The following TM7SF3 variants were observed in gnomAD, a reference collection of about 807,000 sequenced individuals.
TM7SF3 encodes the protein transmembrane 7 superfamily member 3.
Under a neutral mutation model 65.5 loss-of-function variants are expected in TM7SF3, and 60 were observed. The ratio of observed to expected loss-of-function variants is 0.92; its 90% CI spans 0.74 to 1.14. TM7SF3 has a LOEUF of 1.14. Among genes scored for constraint, TM7SF3 ranks in the 50% most tolerant of loss-of-function variants. The pLI is 0.00. For synonymous variants in TM7SF3, 264 were observed against 259.6 expected (o/e 1.02, Z -0.16); for missense variants, 623 against 684.8 (o/e 0.91, Z 1.01).
chr12:27,001,717 T>A (rs1940837730), intron 2 of TM7SF3, among the ~76,000 whole-genome samples: 1 of 152,220 alleles, frequency 6.6e-6, no homozygotes, highest in Non-Finnish European at 1.5e-5. Flanking sequence ...ATAGATCTAG[T>A]TAAAAAAGAG....
intron 2 of TM7SF3, among the ~76,000 whole-genome samples, chr12:27,002,154 G>C (rs2136439635): frequency 6.6e-6 from 1 of 152,200 alleles, no homozygotes. Flanking sequence ...AAGATAGTGT[G>C]ACCAATGCCT....
At chr12:26,980,750 C>A in intron 7 of TM7SF3, 104 bp from the exon 8 acceptor site, 1 of 585,012 alleles carries the variant, frequency 1.7e-6, no homozygotes, top group South Asian at 2.3e-5. Context: ...CAAATACATG[C>A]TTAAGCTCCT....
At chr12:26,989,262 C>A (rs1940237634) in intron 6 of TM7SF3, among the ~76,000 whole-genome samples, 3 of 152,032 alleles carry the variant, frequency 2.0e-5, no homozygotes. Context: ...ATGGTGAAAC[C>A]CCGACTCTAC....
rs1939468487 is a variant in TM7SF3 at position 26,974,095 on chromosome 12, A to T, written c.1583T>A (p.Val528Glu). Reference protein sequence around the residue: ...KLWKQERERRVTNILDPSYHI... With the variant: ...KLWKQERERRETNILDPSYHI... ...GTAGCTAGGGTCCAGAATGTTTGTCACTCGGCGCTCTCTCTCTTGCTTCCA... is the reference window on the plus strand; with the variant it reads ...GTAGCTAGGGTCCAGAATGTTTGTCTCTCGGCGCTCTCTCTCTTGCTTCCA... The change falls in exon 12 of 12, where the codon GTG (valine) becomes GAG (glutamate). Residue 528 changes from valine to glutamate, a missense_variant. By Grantham distance (121) the Val-to-Glu change is moderately radical (BLOSUM62 -2). Coordinates refer to ENST00000343028, the MANE Select transcript of TM7SF3 (RefSeq NM_016551.3). 6.2e-7 allele frequency: 1 copy of T among 1,613,994 alleles called. No individual in the cohort carries two copies. The highest frequency in any genetic ancestry group is 8.5e-7 in the Non-Finnish European group (1 of 1,180,022).
chr12:26,990,628 C>G lies in TM7SF3; in HGVS notation c.691-1G>C, dbSNP rs150935674. The stretch of plus-strand genomic sequence containing the variant: ...TATCATTAGCTGTTAGGGTAACCAC[C>G]TGAAGCCAAAAATAACACATGATTA... On this transcript the variant is annotated splice_acceptor_variant, in intron 5 of 11. Transcript: ENST00000343028. LOFTEE classifies it high-confidence loss of function. 1.2e-5 allele frequency: 19 copies of G among 1,611,538 alleles called. No homozygotes were observed. The highest frequency in any genetic ancestry group is 1.6e-5 in the Non-Finnish European group (19 of 1,178,624).
At chr12:27,006,778 G>A (rs1185650644) in intron 1 of TM7SF3, among the ~76,000 whole-genome samples, 1 of 152,190 alleles carries the variant, frequency 6.6e-6, no homozygotes, top group Non-Finnish European at 1.5e-5. Flanking sequence ...TAGCAACACA[G>A]ATAATGCTAG....
intron 2 of TM7SF3, among the ~76,000 whole-genome samples, chr12:27,000,736 G>A (rs1207044745): frequency 6.6e-6 from 1 of 152,168 alleles, no homozygotes; most frequent in East Asian, 1.9e-4. Flanking sequence ...TGGGATTACA[G>A]GCGTGAGCCA....
chr12:26,981,623 C>G (rs987734346), intron 7 of TM7SF3, among the ~76,000 whole-genome samples: 1 of 152,148 alleles, frequency 6.6e-6, no homozygotes, highest in Non-Finnish European at 1.5e-5. Flanking sequence ...TTACAATACT[C>G]TCTTCCCAAT....
Position 26,971,994 on chromosome 12 carries a change from T to C in TM7SF3, c.*1971A>G, listed in dbSNP as rs1375273606. On this transcript the variant is annotated 3_prime_UTR_variant, in exon 12 of 12. Transcript: ENST00000343028. Reference sequence around the variant, plus strand: ...AAAATCTATTGTACTTTGAAAAAACTTTAAAAAGCAGCATCATTTAAATAG... The same window carrying C: ...AAAATCTATTGTACTTTGAAAAAACCTTAAAAAGCAGCATCATTTAAATAG... 6.6e-6 allele frequency: 1 copy of C among 152,242 alleles called. No individual in the cohort carries two copies. Among genetic ancestry groups the C allele is most frequent in the Non-Finnish European group, 1.5e-5 (1 of 68,036 alleles). 9.4% of individuals were successfully genotyped at this position (152,242 alleles called of 1,614,324 possible).
At chr12:27,003,805 C>T (rs1427304025) in intron 1 of TM7SF3, among the ~76,000 whole-genome samples, 2 of 152,188 alleles carry the variant, frequency 1.3e-5, no homozygotes, top group Non-Finnish European at 1.5e-5. Flanking sequence ...CTGAAGTCAG[C>T]GTAGCCCGAA....
At chr12:26,991,819 C>T (rs1388848388) in intron 5 of TM7SF3, among the ~76,000 whole-genome samples, 2 of 152,198 alleles carry the variant, frequency 1.3e-5, no homozygotes, top group African/African-American at 2.4e-5. Flanking sequence ...ACTAGTTTCT[C>T]CCCAACTCTA....
chr12:26,996,692 T>C (rs1940611310), intron 4 of TM7SF3, 50 bp downstream of exon 4: 3 of 1,562,468 alleles, frequency 1.9e-6, no homozygotes, highest in African/African-American at 1.4e-5. Flanking sequence ...TACACAACTG[T>C]CGTCATGTAT....
At chr12:27,002,695 G>A (rs181212409) in intron 2 of TM7SF3, among the ~76,000 whole-genome samples, 14 of 152,278 alleles carry the variant, frequency 9.2e-5, no homozygotes, top group Admixed American at 8.5e-4. Flanking sequence ...TGAGGTTGAG[G>A]TTAAGGGGTT....
At chr12:26,992,442 G>A (rs1487778619) in intron 5 of TM7SF3, among the ~76,000 whole-genome samples, 15 of 151,736 alleles carry the variant, frequency 9.9e-5, no homozygotes, top group Admixed American at 7.9e-4. Context: ...CCACCACTAC[G>A]CCCAGCTAAT....
At chr12:26,981,690 A>G (rs191247997) in intron 7 of TM7SF3, among the ~76,000 whole-genome samples, 216 of 152,338 alleles carry the variant, frequency 1.4e-3, no homozygotes, top group African/African-American at 4.6e-3. Flanking sequence ...ACAATTTAAC[A>G]TAAGTTTAAA....
chr12:27,005,788 G>T (rs59605249), intron 1 of TM7SF3, among the ~76,000 whole-genome samples: 1 of 152,038 alleles, frequency 6.6e-6, no homozygotes, highest in East Asian at 1.9e-4. Context: ...GTATCTCTTG[G>T]AGTATATTTT....
At chr12:27,012,135 C>T (rs75678352) in intron 1 of TM7SF3, among the ~76,000 whole-genome samples, 74 of 152,256 alleles carry the variant, frequency 4.9e-4, no homozygotes, top group Non-Finnish European at 9.7e-4. Context: ...GTAAGATATT[C>T]TTATTGGAAG....
chr12:27,009,044 T>C (rs1026943943), intron 1 of TM7SF3, among the ~76,000 whole-genome samples: 1 of 152,232 alleles, frequency 6.6e-6, no homozygotes, highest in Non-Finnish European at 1.5e-5. Flanking sequence ...CCCACCCTAC[T>C]GCTTTGCAGT....
At chr12:26,999,994 C>T (rs770161332) in intron 2 of TM7SF3, among the ~76,000 whole-genome samples, 2 of 152,214 alleles carry the variant, frequency 1.3e-5, no homozygotes, top group Non-Finnish European at 2.9e-5. Flanking sequence ...GCGGTGCCAA[C>T]ACAGTCGGGT....
Sources: gnomAD v4.1 joint callset for allele counts (sites outside exome capture counted in the v4.1 genomes callset) on GRCh38, gnomAD v4.1.1 for gene constraint, MANE v1.5 for transcripts, NCBI Gene and HGNC (gene_info 2026-07-23, HGNC 2026-07-21) for gene names.